The following CCNJL variants were observed in gnomAD, a reference collection of about 807,000 sequenced individuals.
CCNJL encodes the protein cyclin-J-like protein.
CCNJL carries 33 observed loss-of-function variants against 33.4 expected under a neutral mutation model. The ratio of observed to expected loss-of-function variants is 0.99; its 90% CI spans 0.75 to 1.32. The LOEUF is 1.32. CCNJL is among the 40% of genes most tolerant of loss of function. The pLI, the probability that CCNJL is intolerant of heterozygous loss-of-function variation, is 0.00. For synonymous variants in CCNJL, 227 were observed against 220.9 expected, an observed-to-expected ratio of 1.03 and a Z score of -0.24; for missense variants, 512 against 499.7, an observed-to-expected ratio of 1.02 and a Z score of -0.23.
chr5:160,335,534 G>A (rs190529591), intron 1 of CCNJL, among the ~76,000 whole-genome samples: 91 of 152,102 alleles, frequency 6.0e-4, no homozygotes, highest in African/African-American at 2.0e-3. Context: ...TCAACACTTA[G>A]TCTGCATCAT....
chr5:160,330,179 C>T (rs933615167), intron 1 of CCNJL, among the ~76,000 whole-genome samples: 5 of 152,218 alleles, frequency 3.3e-5, no homozygotes, highest in Admixed American at 3.3e-4. Context: ...TGGTCCAAAT[C>T]TCTCAGGGTC....
At chr5:160,271,668 G>A (rs1214990832) in intron 3 of CCNJL, among the ~76,000 whole-genome samples, 2 of 152,252 alleles carry the variant, frequency 1.3e-5, no homozygotes, top group African/African-American at 4.8e-5. Flanking sequence ...TTTTCCAGTT[G>A]CCCTGTGCCG....
intron 1 of CCNJL, chr5:160,326,637 C>T: frequency 1.5e-6 from 1 of 683,224 alleles, no homozygotes; most frequent in East Asian, 3.2e-5. Flanking sequence ...AAAGTAGGTT[C>T]TTAGAGTTAA....
intron 2 of CCNJL, among the ~76,000 whole-genome samples, chr5:160,308,065 G>T (rs1345067803): frequency 6.6e-6 from 1 of 152,162 alleles, no homozygotes; most frequent in Non-Finnish European, 1.5e-5. Flanking sequence ...GGTCCAAGTG[G>T]CTAACAGTGC....
rs1186410689 is a variant in CCNJL at position 160,256,045 on chromosome 5, C to T, written c.584-337G>A. On this transcript the variant is annotated intron_variant, in intron 4 of 5. Transcript: ENST00000257536. ...CTGGGACTACAGGCATGTACAAACA[C>T]ATCTGGCTAATTTTCGTATTTTTTT... 3.3e-5 allele frequency among the ~76,000 whole-genome samples: 5 copies of T among 152,274 alleles called. No homozygotes were observed. The East Asian group carries it at 9.7e-4, about 29-fold the overall frequency.
At chr5:160,282,981 A>T (rs1420562615) in intron 2 of CCNJL, among the ~76,000 whole-genome samples, 1 of 55,342 alleles carries the variant, frequency 1.8e-5, no homozygotes, top group Non-Finnish European at 3.2e-5. Context: ...ATATATATAT[A>T]TATATATATA....
intron 4 of CCNJL, among the ~76,000 whole-genome samples, chr5:160,256,049 T>C (rs1338329404): frequency 5.9e-5 from 9 of 152,116 alleles, no homozygotes; most frequent in Middle Eastern, 6.3e-3. Context: ...CAAACACATC[T>C]GGCTAATTTT....
chr5:160,262,334 C>T (rs1365939765), intron 3 of CCNJL, among the ~76,000 whole-genome samples: 2 of 152,200 alleles, frequency 1.3e-5, no homozygotes, highest in Non-Finnish European at 2.9e-5. Context: ...TGCTACCAGG[C>T]CCAAGAGGAT....
chr5:160,315,217 T>C (rs1005611694), upstream of CCNJL, among the ~76,000 whole-genome samples: 25 of 152,262 alleles, frequency 1.6e-4, no homozygotes, highest in Middle Eastern at 3.4e-3. Context: ...GGCTCATGCC[T>C]GTAATCCTAG....
rs372504446 is a variant in CCNJL, at chr5:160,265,128, G to A, written c.281-5357C>T. Among the ~76,000 whole-genome samples the A allele has an allele frequency of 8.5e-5, 13 of 152,062 alleles. No homozygotes were observed. In the East Asian group the frequency reaches 2.3e-3, roughly 27 times the overall value. On this transcript the variant is annotated intron_variant, in intron 3 of 5. Coordinates refer to ENST00000257536, the MANE Select transcript of CCNJL (RefSeq NM_001308173.3). Reference sequence around the variant, plus strand: ...ATTCCTGTTGCCCAGGCTTGAGCGCGGCCCACCCCCAACTAGACAGACCGT... The same window carrying A: ...ATTCCTGTTGCCCAGGCTTGAGCGCAGCCCACCCCCAACTAGACAGACCGT...
At chr5:160,337,003 C>CTTTTTTTTT (rs35461944) in intron 1 of CCNJL, among the ~76,000 whole-genome samples, 26 of 95,056 alleles carry the variant, frequency 2.7e-4, no homozygotes, top group South Asian at 8.3e-4. Context: ...CTTTTTCTTT[C>CTTTTTTTTT]TTTTTTTTTT....
intron 2 of CCNJL, among the ~76,000 whole-genome samples, chr5:160,290,352 G>A (rs1030595457): frequency 8.4e-4 from 127 of 151,460 alleles, no homozygotes; most frequent in African/African-American, 2.7e-3. Flanking sequence ...TGCAACCTCC[G>A]CCTTCTAGGT....
intron 1 of CCNJL, among the ~76,000 whole-genome samples, chr5:160,333,328 G>A (rs1048465908): frequency 6.6e-6 from 1 of 151,974 alleles, no homozygotes; most frequent in African/African-American, 2.4e-5. Flanking sequence ...GTTTCACCGT[G>A]TTAGCCTGGA....
At chr5:160,310,887 C>T (rs1185871990) in intron 2 of CCNJL, among the ~76,000 whole-genome samples, 2 of 152,186 alleles carry the variant, frequency 1.3e-5, no homozygotes, top group African/African-American at 4.8e-5. Context: ...TCTCTAGAGC[C>T]TTTTGAGAGT....
chr5:160,282,784 T>A (rs536806684), intron 2 of CCNJL, among the ~76,000 whole-genome samples: 43 of 151,228 alleles, frequency 2.8e-4, no homozygotes, highest in African/African-American at 9.9e-4. Context: ...GAATGGTTGT[T>A]GTAAAAAAAA....
Position 160,269,374 on chromosome 5 carries a change from C to A in CCNJL, c.281-9603G>T, listed in dbSNP as rs1396001853. 6 of 455,814 alleles carry A rather than the reference C, an allele frequency of 1.3e-5. No individual in the cohort carries two copies. In the Admixed American group the frequency reaches 1.4e-4, roughly 11 times the overall value. 28.2% of individuals were successfully genotyped at this position (455,814 alleles called of 1,614,324 possible). On this transcript the variant is annotated intron_variant, in intron 3 of 5. Coordinates refer to ENST00000257536, the MANE Select transcript of CCNJL (RefSeq NM_001308173.3). ...TGGGGCCTGCATCCCACAAGTGCTT[C>A]TGTCCTCGTACGGAGGATAGGAGTT...
chr5:160,293,381 C>G (rs1346124802), intron 2 of CCNJL, among the ~76,000 whole-genome samples: 1 of 152,000 alleles, frequency 6.6e-6, no homozygotes, highest in Non-Finnish European at 1.5e-5. Flanking sequence ...GGGCTGCATT[C>G]CAGCCTGGGT....
chr5:160,261,623 A>C, intron 3 of CCNJL, among the ~76,000 whole-genome samples: 2 of 145,932 alleles, frequency 1.4e-5, no homozygotes, highest in African/African-American at 5.1e-5. Flanking sequence ...AGCTCCCCCC[A>C]TACTCCCCCC....
chr5:160,260,175 T>C (rs193064960), intron 3 of CCNJL, among the ~76,000 whole-genome samples: 3 of 152,326 alleles, frequency 2.0e-5, no homozygotes, highest in African/African-American at 7.2e-5. Flanking sequence ...CTACTCTCCA[T>C]CTGGCCCTAA....
Sources: allele counts gnomAD v4.1 joint callset (sites outside exome capture counted in the v4.1 genomes callset), GRCh38; gene constraint gnomAD v4.1.1; transcripts MANE v1.5; gene names NCBI Gene and HGNC (gene_info 2026-07-23, HGNC 2026-07-21).